Variants in PRDM2 observed in about 807,000 individuals in gnomAD.
The protein encoded by PRDM2 is PR/SET domain 2.
Under a neutral mutation model 130.0 loss-of-function variants are expected in PRDM2, and 30 were observed. The ratio of observed to expected loss-of-function variants is 0.23; its 90% CI spans 0.17 to 0.31. The LOEUF (loss-of-function observed/expected upper bound fraction) is 0.31, where lower values mean the gene tolerates loss of function less well. Among genes scored for constraint, PRDM2 ranks in the 10% least tolerant of loss-of-function variants. The pLI is 1.00. For synonymous variants in PRDM2, 871 were observed against 782.4 expected (o/e 1.11, Z -1.89); for missense variants, 2,011 against 2,108.4 (o/e 0.95, Z 0.90).
intron 2 of PRDM2, among the ~76,000 whole-genome samples, chr1:13,721,630 G>A (rs1642731939): frequency 6.6e-6 from 1 of 152,012 alleles, no homozygotes; most frequent in Non-Finnish European, 1.5e-5. Flanking sequence ...CTGGGACCTT[G>A]TCTTTCTGAA....
intron 2 of PRDM2, among the ~76,000 whole-genome samples, chr1:13,720,756 T>A (rs80065403): frequency 6.6e-6 from 1 of 152,200 alleles, no homozygotes; most frequent in African/African-American, 2.4e-5. Flanking sequence ...ATTTAACAGA[T>A]AAGAAAGTGA....
At position 13,755,061 on chromosome 1, in the gene PRDM2, C is replaced by T. The variant is rs372549834; in HGVS notation, c.511+5574C>T. ...ACTCTGCTGCTGTTATGGTGGCGGT[C>T]TGTTTTTAAAAGCTCAGTACGGTTT... On this transcript the variant is annotated intron_variant, in intron 6 of 9. Transcript: ENST00000311066. 3.5e-4 allele frequency among the ~76,000 whole-genome samples: 54 copies of T among 152,164 alleles called. 2 individuals carry two copies. In the East Asian group the frequency reaches 0.01, roughly 29 times the overall value.
intron 8 of PRDM2, among the ~76,000 whole-genome samples, chr1:13,785,497 A>G (rs1022841619): frequency 9.9e-5 from 15 of 152,164 alleles, no homozygotes; most frequent in Non-Finnish European, 2.2e-4. Context: ...TGATTTTTCC[A>G]TGAGTTTTCT....
chr1:13,708,967 G>A (rs1020225707), intron 1 of PRDM2, among the ~76,000 whole-genome samples: 7 of 152,254 alleles, frequency 4.6e-5, no homozygotes, highest in Admixed American at 3.3e-4. Context: ...TAATACCAAG[G>A]TTGGGGCTGT....
At chr1:13,729,387 C>A (rs544560611) in intron 2 of PRDM2, among the ~76,000 whole-genome samples, 1 of 152,278 alleles carries the variant, frequency 6.6e-6, no homozygotes, top group African/African-American at 2.4e-5. Flanking sequence ...TACTAAATGG[C>A]CAGTGCTGAT....
At chr1:13,753,886 C>A (rs1248761877) in intron 6 of PRDM2, among the ~76,000 whole-genome samples, 1 of 152,208 alleles carries the variant, frequency 6.6e-6, no homozygotes, top group African/African-American at 2.4e-5. Context: ...GCATCTGTGT[C>A]AGGCACTATT....
intron 2 of PRDM2, among the ~76,000 whole-genome samples, chr1:13,715,855 T>A (rs1642516429): frequency 6.6e-6 from 1 of 152,230 alleles, no homozygotes; most frequent in Non-Finnish European, 1.5e-5. Flanking sequence ...TCTTAGGGAT[T>A]TTCATTAAGA....
At chr1:13,753,809 C>A (rs1408989148) in intron 6 of PRDM2, among the ~76,000 whole-genome samples, 1 of 152,076 alleles carries the variant, frequency 6.6e-6, no homozygotes, top group African/African-American at 2.4e-5. Flanking sequence ...TCAAGAGGAA[C>A]CTTGGGGACT....
chr1:13,718,207 A>G (rs1327255059), intron 2 of PRDM2, among the ~76,000 whole-genome samples: 1 of 152,146 alleles, frequency 6.6e-6, no homozygotes, highest in Non-Finnish European at 1.5e-5. Context: ...TAAAATCCCG[A>G]TGGTTATTTT....
chr1:13,770,248 A>G, intron 6 of PRDM2: 2 of 441,610 alleles, frequency 4.5e-6, no homozygotes, highest in Non-Finnish European at 8.9e-6. Context: ...TTGTCCAATA[A>G]AGGACATTTG....
rs1178097420 is a variant in PRDM2, at chr1:13,780,911, C to A, written c.3116C>A (p.Pro1039His). ...PSPSPIPPVE[P>H]LMSAASPGPP... The stretch of plus-strand genomic sequence containing the variant: ...CCCTCTCCCATTCCTCCCGTGGAGC[C>A]CCTGATGTCTGCCGCCTCACCCGGG... The change falls in exon 8 of 10, where the codon CCC becomes CAC. Residue 1039 changes from proline (P) to histidine (H), a missense_variant. Transcript: ENST00000311066. The A allele has an allele frequency of 1.2e-6, 2 of 1,613,280 alleles. No individual in the cohort carries two copies. Among genetic ancestry groups the A allele is most frequent in the African/African-American group, 2.7e-5 (2 of 74,782 alleles).
chr1:13,811,610 C>CT (rs1181848044), intron 8 of PRDM2, among the ~76,000 whole-genome samples: 2 of 152,228 alleles, frequency 1.3e-5, no homozygotes, highest in Non-Finnish European at 2.9e-5. Flanking sequence ...GGTCCTGTGC[C>CT]TGGGGACACA....
chr1:13,738,281 G>A (rs965413096), intron 4 of PRDM2, among the ~76,000 whole-genome samples: 5 of 152,008 alleles, frequency 3.3e-5, no homozygotes, highest in East Asian at 1.9e-4. Flanking sequence ...AATCTCCCCC[G>A]AAAGTACACA....
intron 6 of PRDM2, among the ~76,000 whole-genome samples, chr1:13,767,494 G>A (rs1644255745): frequency 6.7e-6 from 1 of 148,616 alleles, no homozygotes; most frequent in African/African-American, 2.5e-5. Flanking sequence ...TGGTAGATAC[G>A]GGGGTCTCAC....
At position 13,823,286 on chromosome 1, in the gene PRDM2, C is replaced by A; in HGVS notation, c.*151C>A. 1 of 1,340,688 alleles carries A rather than the reference C, an allele frequency of 7.5e-7. No homozygotes were observed. The highest frequency in any genetic ancestry group is 1.1e-6 in the Non-Finnish European group (1 of 945,970). The allele number at this position is 1,340,688 out of a possible 1,614,324, so 83.0% of individuals were successfully genotyped here. On this transcript the variant is annotated 3_prime_UTR_variant, in exon 10 of 10. Transcript: ENST00000311066. Reference sequence around the variant, plus strand: ...GTGCATGTGCGCGCGTGCATGTGTGCGTGCGTGTGTGTTCACGTGTTCTCG... The same window carrying A: ...GTGCATGTGCGCGCGTGCATGTGTGAGTGCGTGTGTGTTCACGTGTTCTCG...
rs980981761 is a variant in PRDM2, at chr1:13,786,419, A to G, written c.5036+3588A>G. ...ATGTATGTGTTGTCGTCTTAATAAC[A>G]TTTGTCTTACGGTCTATTCACCTTT... On this transcript the variant is annotated intron_variant, in intron 8 of 9. Coordinates refer to ENST00000311066, the MANE Select transcript of PRDM2 (RefSeq NM_001393986.1). 187 of 1,509,688 alleles carry G rather than the reference A, an allele frequency of 1.2e-4. 2 individuals are homozygous for G. The South Asian group carries it at 2.1e-3, about 17-fold the overall frequency. The allele number at this position is 1,509,688 out of a possible 1,614,324, so 93.5% of individuals were successfully genotyped here. A position where few individuals can be genotyped will look rare whatever the true frequency, so the allele number is the denominator to read the frequency against.
In PRDM2 at chr1:13,732,790, A is replaced by T; in HGVS notation, c.139A>T (p.Thr47Ser). ...VDKTRIGVWA[T>S]KPILKGKKFG... ...ATTTTATTTTCTAGGTGTCTGGGCCACTAAACCAATTTTAAAAGGCAAAAA... is the reference window on the plus strand; with the variant it reads ...ATTTTATTTTCTAGGTGTCTGGGCCTCTAAACCAATTTTAAAAGGCAAAAA... The change falls in exon 4 of 10, where the codon ACT becomes TCT. Residue 47 changes from threonine (T) to serine (S), a missense_variant. Thr to Ser is a moderately conservative substitution (Grantham distance 58). Around this residue, in one of 5 missense-constraint regions of PRDM2, gnomAD observed 79 missense variants for 93.6 expected, o/e 0.84. Coordinates refer to ENST00000311066, the MANE Select transcript of PRDM2 (RefSeq NM_001393986.1). 3 of 1,601,830 alleles carry T rather than the reference A, an allele frequency of 1.9e-6. No individual in the cohort carries two copies. Among genetic ancestry groups the T allele is most frequent in the Non-Finnish European group, 2.6e-6 (3 of 1,173,236 alleles).
At chr1:13,733,897 C>G (rs1643186401) in intron 4 of PRDM2, among the ~76,000 whole-genome samples, 1 of 152,156 alleles carries the variant, frequency 6.6e-6, no homozygotes, top group Non-Finnish European at 1.5e-5. Flanking sequence ...TTTTTTCACA[C>G]ATTAACATAG....
intron 8 of PRDM2, among the ~76,000 whole-genome samples, chr1:13,793,449 G>A (rs1015617612): frequency 2.6e-5 from 4 of 152,190 alleles, no homozygotes; most frequent in South Asian, 2.1e-4. Flanking sequence ...AGCATGTGGG[G>A]AACTTGGATG....
Sources: allele counts gnomAD v4.1 joint callset (sites outside exome capture counted in the v4.1 genomes callset), GRCh38; gene constraint gnomAD v4.1.1; regional missense constraint gnomAD v4.1.1; transcripts MANE v1.5; gene names NCBI Gene and HGNC (gene_info 2026-07-23, HGNC 2026-07-21).